FNDC3B: variants seen among roughly 807,000 people sequenced by gnomAD.
FNDC3B encodes fibronectin type III domain containing 3B.
FNDC3B carries 12 observed loss-of-function variants against 151.5 expected under a neutral mutation model. The observed-to-expected ratio is 0.08, with a 90% confidence interval of 0.05 to 0.13. The LOEUF (loss-of-function observed/expected upper bound fraction) is 0.13, where lower values mean the gene tolerates loss of function less well. FNDC3B is among the 10% of genes least tolerant of loss of function. The probability of loss-of-function intolerance (pLI) is 1.00; values close to 1 mark genes in which losing one functional copy is unlikely to be tolerated. For synonymous variants in FNDC3B, 528 were observed against 549.0 expected (o/e 0.96, Z 0.54); for missense variants, 1,214 against 1,505.3 (o/e 0.81, Z 3.20).
chr3:172,142,989 T>A (rs1721705913), intron 3 of FNDC3B, among the ~76,000 whole-genome samples: 1 of 152,160 alleles, frequency 6.6e-6, no homozygotes, highest in South Asian at 2.1e-4. Flanking sequence ...AGGACACTAA[T>A]CCCTCATGAA....
intron 23 of FNDC3B, among the ~76,000 whole-genome samples, chr3:172,372,725 G>A (rs1734941267): frequency 6.6e-6 from 1 of 152,158 alleles, no homozygotes; most frequent in Non-Finnish European, 1.5e-5. Context: ...GAGGTCCTCA[G>A]GATACAATTC....
intron 9 of FNDC3B, among the ~76,000 whole-genome samples, chr3:172,305,220 T>A (rs887335241): frequency 6.6e-6 from 1 of 152,208 alleles, no homozygotes; most frequent in Admixed American, 6.5e-5. Flanking sequence ...ACCTGAAATG[T>A]CTTCACAATC....
intron 3 of FNDC3B, among the ~76,000 whole-genome samples, chr3:172,152,233 T>G (rs1397282525): frequency 1.3e-5 from 2 of 152,212 alleles, no homozygotes; most frequent in African/African-American, 4.8e-5. Flanking sequence ...CTGTGTGGTT[T>G]TCTCCCTTTA....
chr3:172,130,347 G>A lies in FNDC3B; in HGVS notation c.112-3124G>A, dbSNP rs62283820. Among the ~76,000 whole-genome samples the A allele has an allele frequency of 4.6e-3, 695 of 152,294 alleles. 2 individuals are homozygous for A. The highest frequency in any genetic ancestry group is 0.026 in the South Asian group (125 of 4,830). On this transcript the variant is annotated intron_variant, in intron 2 of 25. Transcript: ENST00000415807. Reference sequence around the variant, plus strand: ...TATTGGGACACAGGAGACTTGCCTGGTTTCTGAGGTAACTTGGTAGATTAT... The same window carrying A: ...TATTGGGACACAGGAGACTTGCCTGATTTCTGAGGTAACTTGGTAGATTAT...
rs183109323 is a variant in FNDC3B at position 172,323,137 on chromosome 3, G to A, written c.1255-5815G>A. On this transcript the variant is annotated intron_variant, in intron 11 of 25. Transcript: ENST00000415807. ...AAAGAAATTGAAAAATATTCAAGTAGGTAGTAAGGGGGTAAAAGAAAAAAT... is the reference window on the plus strand; with the variant it reads ...AAAGAAATTGAAAAATATTCAAGTAAGTAGTAAGGGGGTAAAAGAAAAAAT... Among the ~76,000 whole-genome samples, 178 of 152,060 alleles carry A rather than the reference G, an allele frequency of 1.2e-3. 1 individual carries two copies. The highest frequency in any genetic ancestry group is 2.3e-3 in the Admixed American group (35 of 15,268).
At chr3:172,337,505 A>T in intron 16 of FNDC3B, 104 bp downstream of exon 16, 2 of 777,604 alleles carry the variant, frequency 2.6e-6, no homozygotes, top group Non-Finnish European at 4.4e-6. Flanking sequence ...AATTCTAAAG[A>T]TAGAATTATT....
At chr3:172,084,734 C>G (rs1422130470) in intron 1 of FNDC3B, among the ~76,000 whole-genome samples, 4 of 152,288 alleles carry the variant, frequency 2.6e-5, no homozygotes, top group South Asian at 2.1e-4. Flanking sequence ...CTTCTTATCT[C>G]CTTAGAAAAG....
intron 22 of FNDC3B, among the ~76,000 whole-genome samples, chr3:172,362,058 G>A (rs1734391748): frequency 6.6e-6 from 1 of 152,178 alleles, no homozygotes; most frequent in Admixed American, 6.5e-5. Flanking sequence ...CCATAACTCT[G>A]TGCTACACAT....
chr3:172,208,651 A>G (rs2108705546), intron 3 of FNDC3B, among the ~76,000 whole-genome samples: 1 of 152,244 alleles, frequency 6.6e-6, no homozygotes, highest in Non-Finnish European at 1.5e-5. Context: ...TCACTTCACC[A>G]GCCAGAAACC....
chr3:172,104,265 T>C (rs1719517789), intron 1 of FNDC3B, among the ~76,000 whole-genome samples: 1 of 152,156 alleles, frequency 6.6e-6, no homozygotes, highest in Non-Finnish European at 1.5e-5. Flanking sequence ...GAAAGGAACC[T>C]TAAGGGCTAA....
At chr3:172,377,369 A>G (rs545330934) in intron 23 of FNDC3B, among the ~76,000 whole-genome samples, 1 of 152,238 alleles carries the variant, frequency 6.6e-6, no homozygotes, top group Non-Finnish European at 1.5e-5. Context: ...TGGATGACTT[A>G]TGGGAAGTTA....
intron 9 of FNDC3B, chr3:172,302,906 GTGTT>G (rs1413884358): frequency 3.2e-5 from 4 of 124,670 alleles, no homozygotes; most frequent in African/African-American, 1.5e-4. Context: ...GTGAGAGTGT[GTGTT>G]TGTGTGTGCC....
intron 3 of FNDC3B, among the ~76,000 whole-genome samples, chr3:172,161,005 G>A (rs879816911): frequency 1.3e-5 from 2 of 152,174 alleles, no homozygotes; most frequent in Admixed American, 1.3e-4. Flanking sequence ...GAGGGAACCA[G>A]GAGTAATTTT....
chr3:172,320,329 G>A (rs572413798), intron 11 of FNDC3B, among the ~76,000 whole-genome samples: 67 of 152,014 alleles, frequency 4.4e-4, no homozygotes, highest in Admixed American at 2.6e-3. Flanking sequence ...GAGGTGAGCC[G>A]AGATCATTCC....
At chr3:172,069,330 TATTC>T (rs1425788322) in intron 1 of FNDC3B, among the ~76,000 whole-genome samples, 1 of 152,232 alleles carries the variant, frequency 6.6e-6, no homozygotes, top group African/African-American at 2.4e-5. Flanking sequence ...TGTTCTTAGG[TATTC>T]ATTCATTTTA....
At chr3:172,355,063 C>T (rs139020059) in intron 22 of FNDC3B, among the ~76,000 whole-genome samples, 34 of 152,156 alleles carry the variant, frequency 2.2e-4, no homozygotes, top group African/African-American at 7.5e-4. Context: ...CTGACACACT[C>T]TGTAGAAATT....
At chr3:172,185,595 T>A (rs1724134129) in intron 3 of FNDC3B, among the ~76,000 whole-genome samples, 1 of 152,242 alleles carries the variant, frequency 6.6e-6, no homozygotes, top group Non-Finnish European at 1.5e-5. Flanking sequence ...TGAAAAGGAA[T>A]GTTTTGATTT....
rs1298826838 is a variant in FNDC3B, at chr3:172,041,431, T to TC, written c.-29+1660_-29+1661insC. 1.1e-3 allele frequency among the ~76,000 whole-genome samples: 148 copies of TC among 137,694 alleles called. 2 individuals are homozygous for TC. Among genetic ancestry groups the TC allele is most frequent in the Admixed American group, 3.6e-3 (51 of 14,260 alleles). The allele number at this position is 137,694 out of a possible 152,430, so 90.3% of individuals were successfully genotyped here. A position where few individuals can be genotyped will look rare whatever the true frequency, so the allele number is the denominator to read the frequency against. ...TCTCTCTCCTTCCTTCCTTCCTTCC[T>TC]TCCTTCCTTCCTTCCTTCCTTCTCT... On this transcript the variant is annotated intron_variant, in intron 1 of 25. Transcript: ENST00000415807.
chr3:172,377,983 A>G (rs1261245744), intron 23 of FNDC3B, among the ~76,000 whole-genome samples: 1 of 152,178 alleles, frequency 6.6e-6, no homozygotes, highest in Admixed American at 6.5e-5. Context: ...TCTGTTTTTT[A>G]TTAGTAAATA....
Sources: gnomAD v4.1 joint callset for allele counts (sites outside exome capture counted in the v4.1 genomes callset) on GRCh38, gnomAD v4.1.1 for gene constraint, MANE v1.5 for transcripts, NCBI Gene and HGNC (gene_info 2026-07-23, HGNC 2026-07-21) for gene names.